Variants in SLC12A3 observed in about 807,000 individuals in gnomAD.
The protein encoded by SLC12A3 is Na-Cl cotransporter.
SLC12A3 carries 104 observed loss-of-function variants against 121.0 expected under a neutral mutation model. That is an observed-to-expected ratio of 0.86 (90% CI 0.73 to 1.01). The LOEUF is 1.01. Ranked by LOEUF, SLC12A3 falls within the 50% of genes least tolerant of loss-of-function variation. The probability of loss-of-function intolerance (pLI) is 0.00; values close to 1 mark genes in which losing one functional copy is unlikely to be tolerated. For synonymous variants in SLC12A3, 536 were observed against 533.4 expected (o/e 1.00, Z -0.07); for missense variants, 1,328 against 1,356.3 (o/e 0.98, Z 0.33).
Position 56,902,412 on chromosome 16 carries a change from G to A in SLC12A3, c.2760G>A (p.Leu920=), listed in dbSNP as rs1434477633. ...RFEDMIAPFR[L]NDGFKDEATV... ...AGGACATGATTGCACCCTTCCGTCT[G>A]AATGATGGCTTCAAGGATGAGGCCA... Residue 920 remains leucine, a synonymous_variant, in exon 24 of 26, where the codon CTG becomes CTA. Transcript: ENST00000563236. The A allele has an allele frequency of 6.3e-7, 1 of 1,584,302 alleles. No individual in the cohort carries two copies. The highest frequency in any genetic ancestry group is 8.6e-7 in the Non-Finnish European group (1 of 1,160,834).
At chr16:56,912,088 C>T (rs1379479126) in intron 25 of SLC12A3, among the ~76,000 whole-genome samples, 2 of 152,270 alleles carry the variant, frequency 1.3e-5, no homozygotes, top group African/African-American at 4.8e-5. Context: ...CCCAGTTCTC[C>T]CACCTGTGAA....
Position 56,885,283 on chromosome 16 carries a change from C to T in SLC12A3, c.1844C>T (p.Ser615Leu), listed in dbSNP as rs779160677. ...CTCCCAGAGGTAAATTGGGGCTCCT[C>T]GGTACAGGCTGGCTCCTACAACCTG... ...YKKPEVNWGS[S>L]VQAGSYNLAL... is the part of the protein sequence containing the mutation. Residue 615 changes from serine (S) to leucine (L), a missense_variant, in exon 15 of 26, where the codon TCG becomes TTG. By Grantham distance (145) the Ser-to-Leu change is moderately radical. Coordinates refer to ENST00000563236, the MANE Select transcript of SLC12A3 (RefSeq NM_001126108.2). 3.1e-5 allele frequency: 48 copies of T among 1,553,070 alleles called. No individual in the cohort carries two copies. The highest frequency in any genetic ancestry group is 1.7e-4 in the Middle Eastern group (1 of 6,018).
chr16:56,890,242 G>T, intron 18 of SLC12A3, 32 bp from the exon 19 acceptor site: 2 of 1,581,058 alleles, frequency 1.3e-6, no homozygotes, highest in East Asian at 2.2e-5. Flanking sequence ...GGAGCTGGGG[G>T]AGAAGCTGGA....
intron 25 of SLC12A3, 108 bp from the exon 26 acceptor site, chr16:56,913,156 C>T (rs1255242971): frequency 6.9e-7 from 1 of 1,448,692 alleles, no homozygotes; most frequent in Admixed American, 1.7e-5. Context: ...GTGGAAGGAG[C>T]TCTGAGGGAC....
Position 56,887,074 on chromosome 16 carries a change from G to T in SLC12A3, c.2159G>T (p.Gly720Val). 3 of 1,614,006 alleles carry T rather than the reference G, an allele frequency of 1.9e-6. No homozygotes were observed. The highest frequency in any genetic ancestry group is 2.5e-6 in the Non-Finnish European group (3 of 1,180,036). Residue 720 changes from glycine to valine, a missense_variant, in exon 17 of 26, where the codon GGC (glycine) becomes GTC (valine). Coordinates refer to ENST00000563236, the MANE Select transcript of SLC12A3 (RefSeq NM_001126108.2). ...GTCATTGCCGAGGACCTCCGCAGAG[G>T]CGTCCAGATCCTCATGCAGGTGCCA... is the stretch of plus-strand genomic sequence containing the variant. The part of the protein sequence containing the change: ...SDVIAEDLRR[G>V]VQILMQAAGL...
At chr16:56,905,651 A>G (rs1307986749) in intron 25 of SLC12A3, among the ~76,000 whole-genome samples, 12 of 152,212 alleles carry the variant, frequency 7.9e-5, no homozygotes, top group African/African-American at 2.2e-4. Context: ...CTAGGACAAA[A>G]TGAAAATGTG....
intron 25 of SLC12A3, among the ~76,000 whole-genome samples, chr16:56,905,908 A>C (rs1390063466): frequency 6.6e-6 from 1 of 152,126 alleles, no homozygotes; most frequent in Non-Finnish European, 1.5e-5. Flanking sequence ...CCCTTCTATA[A>C]ATCTGCAAAA....
chr16:56,890,254 C>T lies in SLC12A3; in HGVS notation c.2286-20C>T, dbSNP rs761331989. ...GTGGGAGCTGGGGGAGAAGCTGGAC[C>T]TCACCTCCTCTCTTTCCAGTGATGC... On this transcript the variant is annotated intron_variant, in intron 18 of 25. Coordinates refer to ENST00000563236, the MANE Select transcript of SLC12A3 (RefSeq NM_001126108.2). 4.4e-6 allele frequency: 7 copies of T among 1,604,400 alleles called. No individual in the cohort carries two copies. Among genetic ancestry groups the T allele is most frequent in the Middle Eastern group, 3.3e-4 (2 of 6,042 alleles).
chr16:56,895,023 A>G (rs963519897), intron 22 of SLC12A3, among the ~76,000 whole-genome samples: 1 of 151,464 alleles, frequency 6.6e-6, no homozygotes, highest in South Asian at 2.1e-4. Context: ...AATAGAAAAA[A>G]AAAAAGATAA....
chr16:56,880,260 C>T lies in SLC12A3; in HGVS notation c.1567+7C>T, dbSNP rs376819753. On this transcript the variant is annotated splice_region_variant and intron_variant, in intron 12 of 25. Coordinates refer to ENST00000563236, the MANE Select transcript of SLC12A3 (RefSeq NM_001126108.2). Reference sequence around the variant, plus strand: ...GTGGCCTTCATCATCATCGGTAAGGCTCTGCCAGGGCTCACAGGGCCTGGC... The same window carrying T: ...GTGGCCTTCATCATCATCGGTAAGGTTCTGCCAGGGCTCACAGGGCCTGGC... 748 of 1,574,446 alleles carry T rather than the reference C, an allele frequency of 4.8e-4. 3 individuals are homozygous for T. Among genetic ancestry groups the T allele is most frequent in the Non-Finnish European group, 9.9e-5 (115 of 1,159,632 alleles).
At chr16:56,879,788 A>C (rs1411252151) in intron 11 of SLC12A3, 139 bp downstream of exon 11, 1 of 703,690 alleles carries the variant, frequency 1.4e-6, no homozygotes, top group Non-Finnish European at 2.5e-6. Context: ...AGGGAAAAGG[A>C]GCTATCAGCA....
In SLC12A3 at chr16:56,886,349, C is replaced by T; in HGVS notation, c.1926-15C>T. On this transcript the variant is annotated splice_polypyrimidine_tract_variant and intron_variant, in intron 15 of 25. Transcript: ENST00000563236. ...CTCTCCTGATGGCTCCTGCCCTTTT[C>T]CCTTCCCTCCTCAGCCCCCAGTGCC... The T allele has an allele frequency of 6.2e-7, 1 of 1,600,994 alleles. No homozygotes were observed. The highest frequency in any genetic ancestry group is 1.7e-4 in the Middle Eastern group (1 of 6,036).
chr16:56,898,958 G>A (rs1398088365), intron 22 of SLC12A3, among the ~76,000 whole-genome samples: 1 of 152,224 alleles, frequency 6.6e-6, no homozygotes, highest in Non-Finnish European at 1.5e-5. Flanking sequence ...ATCAGAATCA[G>A]CGTGGTAACA....
At position 56,899,579 on chromosome 16, in the gene SLC12A3, A is replaced by T. The variant is rs2055510593; in HGVS notation, c.2683A>T (p.Ile895Phe). ...CCGACTGGGATTCCATGAAGTCCAC[A>T]TCCTCCCTGACATCAACCAGAACCC... The part of the protein sequence containing the change: ...KFRLGFHEVH[I>F]LPDINQNPRA... Residue 895 changes from isoleucine (I) to phenylalanine (F), a missense_variant, in exon 23 of 26, where the codon ATC becomes TTC. Physicochemically the swap from Ile to Phe is conservative, Grantham distance 21. Coordinates refer to ENST00000563236, the MANE Select transcript of SLC12A3 (RefSeq NM_001126108.2). The T allele has an allele frequency of 2.5e-6, 4 of 1,614,158 alleles. No homozygotes were observed. Among genetic ancestry groups the T allele is most frequent in the Non-Finnish European group, 3.4e-6 (4 of 1,179,986 alleles).
At chr16:56,875,974 T>C (rs2055159181) in intron 8 of SLC12A3, among the ~76,000 whole-genome samples, 1 of 151,674 alleles carries the variant, frequency 6.6e-6, no homozygotes, top group Non-Finnish European at 1.5e-5. Flanking sequence ...TCACCACAAA[T>C]TGGGTGGCTT....
rs898080362 is a variant in SLC12A3, at chr16:56,913,756, G to T, written c.*351G>T. The stretch of plus-strand genomic sequence containing the variant: ...AAATTGGAGTCCCAATGCTGGGCGT[G>T]AATCTTGACAGTTTCTACAGACCTT... On this transcript the variant is annotated 3_prime_UTR_variant, in exon 26 of 26. Transcript: ENST00000563236. 5 of 348,910 alleles carry T rather than the reference G, an allele frequency of 1.4e-5. No individual in the cohort carries two copies. The highest frequency in any genetic ancestry group is 1.1e-4 in the African/African-American group (5 of 46,972). 21.6% of individuals were successfully genotyped at this position (348,910 alleles called of 1,614,324 possible). A position where few individuals can be genotyped will look rare whatever the true frequency, so the allele number is the denominator to read the frequency against.
chr16:56,875,477 G>C (rs1406746164), intron 8 of SLC12A3, among the ~76,000 whole-genome samples: 3 of 152,134 alleles, frequency 2.0e-5, no homozygotes, highest in Non-Finnish European at 4.4e-5. Flanking sequence ...AGGTCAGAGA[G>C]GTTCGGGGGC....
chr16:56,886,653 C>T (rs570513294), intron 16 of SLC12A3, among the ~76,000 whole-genome samples, 178 bp downstream of exon 16: 56 of 152,184 alleles, frequency 3.7e-4, no homozygotes, highest in African/African-American at 1.1e-3. Flanking sequence ...GAGTGGGGGC[C>T]GAGGGGATGC....
chr16:56,887,035 CCTT>C lies in SLC12A3; in HGVS notation c.2123_2125del (p.Phe708del). 1 of 1,613,860 alleles carries C rather than the reference CCTT, an allele frequency of 6.2e-7. No individual in the cohort carries two copies. Among genetic ancestry groups the C allele is most frequent in the South Asian group, 1.1e-5 (1 of 91,090 alleles). ...TGGCTGAACAAGAGGAAGATCAAGG[CCTT>C]CTACTCGGATGTCATTGCCGAGGAC... On this transcript the variant is annotated inframe_deletion, in exon 17 of 26. Coordinates refer to ENST00000563236, the MANE Select transcript of SLC12A3 (RefSeq NM_001126108.2).
Sources: gnomAD v4.1 joint callset for allele counts (sites outside exome capture counted in the v4.1 genomes callset) on GRCh38, gnomAD v4.1.1 for gene constraint, MANE v1.5 for transcripts, NCBI Gene and HGNC (gene_info 2026-07-23, HGNC 2026-07-21) for gene names.